Variants in SSUH2 observed in about 807,000 individuals in gnomAD.
SSUH2 encodes protein SSUH2 homolog.
Under a neutral mutation model 55.3 loss-of-function variants are expected in SSUH2, and 47 were observed. The observed-to-expected ratio is 0.85, with a 90% CI of 0.67 to 1.08. The LOEUF (loss-of-function observed/expected upper bound fraction) is 1.08. Ranked by LOEUF, SSUH2 falls within the 50% of genes least tolerant of loss-of-function variation. The pLI is 0.00. For missense variants in SSUH2, 535 were observed against 490.7 expected (o/e 1.09, Z -0.85); for synonymous variants, 212 against 191.5 (o/e 1.11, Z -0.89).
chr3:8,681,084 G>A (rs1376118957), intron 1 of SSUH2, among the ~76,000 whole-genome samples: 5 of 100,760 alleles, frequency 5.0e-5, no homozygotes, highest in African/African-American at 1.1e-4. Context: ...TCCATAGCAG[G>A]GGGGAGAGGC....
At chr3:8,646,481 G>A (rs187734289), upstream of SSUH2, among the ~76,000 whole-genome samples, 25 of 152,158 alleles carry the variant, frequency 1.6e-4, no homozygotes, top group African/African-American at 6.0e-4. Flanking sequence ...TGCAGACAAC[G>A]CTGAGCTGTA....
At chr3:8,653,904 C>T (rs1206214477) in intron 7 of SSUH2, among the ~76,000 whole-genome samples, 1 of 152,216 alleles carries the variant, frequency 6.6e-6, no homozygotes, top group Non-Finnish European at 1.5e-5. Context: ...CCCTTCCACC[C>T]CACCCAGTGG....
At chr3:8,644,260 A>G (rs2125277665) in intron 1 of SSUH2, among the ~76,000 whole-genome samples, 1 of 152,344 alleles carries the variant, frequency 6.6e-6, no homozygotes, top group South Asian at 2.1e-4. Flanking sequence ...TAGAGTTAAC[A>G]TCATCTAAGA....
intron 1 of SSUH2, among the ~76,000 whole-genome samples, chr3:8,637,809 G>A (rs1045555046): frequency 6.6e-6 from 1 of 151,740 alleles, no homozygotes; most frequent in Non-Finnish European, 1.5e-5. Flanking sequence ...CAGACTTCCA[G>A]CTGAACTGCC....
chr3:8,665,072 G>A (rs937933501), intron 5 of SSUH2, among the ~76,000 whole-genome samples: 2 of 152,080 alleles, frequency 1.3e-5, no homozygotes, highest in African/African-American at 4.8e-5. Flanking sequence ...TCTGCTTCAT[G>A]TTTAACTGCA....
chr3:8,661,754 G>A (rs1703512035), intron 6 of SSUH2, among the ~76,000 whole-genome samples: 1 of 152,174 alleles, frequency 6.6e-6, no homozygotes, highest in South Asian at 2.1e-4. Context: ...CTTAGCTTGG[G>A]GAACCTGTTG....
chr3:8,623,788 C>T (rs1468926870), intron 10 of SSUH2, 132 bp from the exon 11 acceptor site: 1 of 576,178 alleles, frequency 1.7e-6, no homozygotes, highest in Non-Finnish European at 3.1e-6. Flanking sequence ...ACGGTGTGGT[C>T]TCAGGAATTT....
rs1002013372 is a variant in SSUH2, at chr3:8,623,925, C to T, written c.874-269G>A. ...GCTAGGTGCAGGACAAGGCAGTGAC[C>T]ATGGCTGGTGTGGTCCCCGTCAGTG... On this transcript the variant is annotated intron_variant, in intron 10 of 11. Transcript: ENST00000544814. Among the ~76,000 whole-genome samples the T allele has an allele frequency of 2.6e-5, 4 of 152,214 alleles. No individual in the cohort carries two copies. The East Asian group carries it at 7.7e-4, about 29-fold the overall frequency.
chr3:8,647,789 T>G (rs1018688781), upstream of SSUH2, among the ~76,000 whole-genome samples: 1 of 152,108 alleles, frequency 6.6e-6, no homozygotes, highest in Non-Finnish European at 1.5e-5. Context: ...GAGCCAAGAC[T>G]GCCAACAAAG....
chr3:8,671,501 C>T (rs906363792), intron 4 of SSUH2, among the ~76,000 whole-genome samples: 6 of 152,022 alleles, frequency 3.9e-5, no homozygotes, highest in Non-Finnish European at 8.8e-5. Flanking sequence ...ACGGAACCTG[C>T]CCCGTGTGAC....
At chr3:8,622,203 T>C (rs1696591230) in intron 11 of SSUH2, among the ~76,000 whole-genome samples, 1 of 152,170 alleles carries the variant, frequency 6.6e-6, no homozygotes, top group Non-Finnish European at 1.5e-5. Flanking sequence ...TGAATCTTTG[T>C]TACAGCTCTA....
intron 2 of SSUH2, chr3:8,677,553 G>A (rs1331481266): frequency 6.6e-6 from 1 of 150,810 alleles, no homozygotes; most frequent in African/African-American, 2.4e-5. Context: ...CCCAGCCCTG[G>A]GGCTACCCGA....
At chr3:8,628,447 C>T (rs1346962968) in intron 7 of SSUH2, among the ~76,000 whole-genome samples, 1 of 152,158 alleles carries the variant, frequency 6.6e-6, no homozygotes, top group Non-Finnish European at 1.5e-5. Flanking sequence ...TGAGTAATGC[C>T]ACTGAGGGGC....
chr3:8,638,170 T>TG (rs1331352468), intron 1 of SSUH2, among the ~76,000 whole-genome samples: 1 of 152,120 alleles, frequency 6.6e-6, no homozygotes, highest in Non-Finnish European at 1.5e-5. Flanking sequence ...GGCCCATGCA[T>TG]GTCCACTGTA....
chr3:8,629,507 A>G, intron 7 of SSUH2, 157 bp downstream of exon 7: 1 of 633,702 alleles, frequency 1.6e-6, no homozygotes, highest in Non-Finnish European at 2.8e-6. Flanking sequence ...TTTTCATTTT[A>G]TAGACGGGAA....
At chr3:8,637,371 A>G (rs1320512338) in intron 1 of SSUH2, among the ~76,000 whole-genome samples, 1 of 152,222 alleles carries the variant, frequency 6.6e-6, no homozygotes, top group East Asian at 1.9e-4. Context: ...TGGCCCTGAG[A>G]TGCCAAGGAG....
chr3:8,680,968 C>A (rs1164512751), intron 1 of SSUH2, among the ~76,000 whole-genome samples: 1 of 151,624 alleles, frequency 6.6e-6, no homozygotes, highest in African/African-American at 2.4e-5. Context: ...ATCCTCTCCC[C>A]CTCTTCCCTC....
chr3:8,663,315 A>G (rs1420559247), intron 6 of SSUH2, among the ~76,000 whole-genome samples: 1 of 152,248 alleles, frequency 6.6e-6, no homozygotes, highest in Admixed American at 6.5e-5. Flanking sequence ...ATTCTGCTAC[A>G]AGGAGCCTTG....
rs752469476 is a variant in SSUH2, at chr3:8,627,718, G to A, written c.654C>T (p.Cys218=). 19 of 1,605,618 alleles carry A rather than the reference G, an allele frequency of 1.2e-5. No homozygotes were observed. The highest frequency in any genetic ancestry group is 2.7e-5 in the African/African-American group (2 of 74,540). The part of the protein sequence containing the change: ...KAKQSRRCQL[C]AGSGRRRCST... ...CCTACCTTCGCCTGCCGGACCCCGC[G>A]CACAGCTGACATCTCCGGGACTGCT... Residue 218 remains cysteine (C), a synonymous_variant, in exon 8 of 12, where the codon TGC becomes TGT. Coordinates refer to ENST00000544814, the MANE Select transcript of SSUH2 (RefSeq NM_001256748.3).
Sources: allele counts gnomAD v4.1 joint callset (sites outside exome capture counted in the v4.1 genomes callset), GRCh38; gene constraint gnomAD v4.1.1; transcripts MANE v1.5; gene names NCBI Gene and HGNC (gene_info 2026-07-23, HGNC 2026-07-21).